TMEM168: variants seen among roughly 807,000 people sequenced by gnomAD.
The protein encoded by TMEM168 is transmembrane protein 168.
In TMEM168, 40 loss-of-function variants were observed where a neutral mutation model predicts 53.2. The ratio of observed to expected loss-of-function variants is 0.75; its 90% CI spans 0.58 to 0.98. TMEM168 has a LOEUF of 0.98. Ranked by LOEUF, TMEM168 falls within the 50% of genes least tolerant of loss-of-function variation. TMEM168 has a pLI of 0.00. For missense variants in TMEM168, 771 were observed against 828.8 expected (o/e 0.93, Z 0.86); for synonymous variants, 282 against 293.0 (o/e 0.96, Z 0.38).
chr7:112,775,172 G>C lies in TMEM168; in HGVS notation c.1271+4C>G, dbSNP rs374395853. Reference sequence around the variant, plus strand: ...TTATCACTAACTATACTAGATTACTGTACCTGCAGAAGTTGGTGGGAATCA... The same window carrying C: ...TTATCACTAACTATACTAGATTACTCTACCTGCAGAAGTTGGTGGGAATCA... On this transcript the variant is annotated splice_donor_region_variant and intron_variant, in intron 3 of 4. Coordinates refer to ENST00000312814, the MANE Select transcript of TMEM168 (RefSeq NM_022484.6). The C allele has an allele frequency of 6.5e-4, 1,042 of 1,603,014 alleles. No homozygotes were observed. Among genetic ancestry groups the C allele is most frequent in the Non-Finnish European group, 8.3e-4 (976 of 1,174,992 alleles).
In TMEM168 at chr7:112,784,057, A is replaced by T. The variant is rs201088968; in HGVS notation, c.769T>A (p.Tyr257Asn). Residue 257 changes from tyrosine to asparagine, a missense_variant, in exon 2 of 5, where the codon TAC becomes AAC. Tyr to Asn is a moderately radical substitution (Grantham distance 143). Transcript: ENST00000312814. The part of the protein sequence containing the change: ...SVTERWKPFL[Y>N]RGRICRRLSV... ...AGTCTTCTGCAAATTCTTCCACGGT[A>T]CAAAAAGGGTTTCCATCTTTCAGTT... The T allele has an allele frequency of 6.2e-7, 1 of 1,612,978 alleles. No homozygotes were observed. The highest frequency in any genetic ancestry group is 1.3e-5 in the African/African-American group (1 of 74,976).
intron 1 of TMEM168, among the ~76,000 whole-genome samples, chr7:112,789,014 G>A (rs954974257): frequency 6.6e-6 from 1 of 152,092 alleles, no homozygotes; most frequent in Non-Finnish European, 1.5e-5. Flanking sequence ...AAGGCACTCC[G>A]TGTTGGGCCT....
At chr7:112,768,933 A>G (rs1792859565) in intron 4 of TMEM168, among the ~76,000 whole-genome samples, 1 of 152,366 alleles carries the variant, frequency 6.6e-6, no homozygotes, top group East Asian at 1.9e-4. Flanking sequence ...TGTCTATATT[A>G]GAAAAAGCAT....
At chr7:112,768,524 GA>G (rs1792846624) in intron 4 of TMEM168, among the ~76,000 whole-genome samples, 1 of 152,042 alleles carries the variant, frequency 6.6e-6, no homozygotes, top group Non-Finnish European at 1.5e-5. Flanking sequence ...TATAGCTGAA[GA>G]ACAAGGGATT....
At position 112,784,093 on chromosome 7, in the gene TMEM168, C is replaced by T. The variant is rs754608033; in HGVS notation, c.733G>A (p.Gly245Arg). The T allele has an allele frequency of 6.2e-7, 1 of 1,612,972 alleles. No homozygotes were observed. The highest frequency in any genetic ancestry group is 2.2e-5 in the East Asian group (1 of 44,860). ...TTCCATCTTTCAGTTACTGAAAGTC[C>T]ACTAAAATAAATGTCAAGGAAAGGA... ...TDPFLDIYFSGLSVTERWKPF... is the reference protein window; with the variant it reads ...TDPFLDIYFSRLSVTERWKPF... Residue 245 changes from glycine to arginine, a missense_variant, in exon 2 of 5, where the codon GGA becomes AGA. Physicochemically the swap from Gly to Arg is moderately radical, Grantham distance 125. Coordinates refer to ENST00000312814, the MANE Select transcript of TMEM168 (RefSeq NM_022484.6).
Position 112,784,343 on chromosome 7 carries a change from C to T in TMEM168, c.483G>A (p.Glu161=), listed in dbSNP as rs1793316524. The change falls in exon 2 of 5, where the codon GAG becomes GAA. Residue 161 remains glutamate (E), a synonymous_variant. Coordinates refer to ENST00000312814, the MANE Select transcript of TMEM168 (RefSeq NM_022484.6). ...TGCTGGCAATGGCAAATCCAACAAG[C>T]TCCAGAAATTCAACTGTGGTTAGTA... ...PTLLTTVEFL[E]LVGFAIASTT... 1 of 1,614,038 alleles carries T rather than the reference C, an allele frequency of 6.2e-7. No individual in the cohort carries two copies. The highest frequency in any genetic ancestry group is 1.7e-5 in the Admixed American group (1 of 60,004).
intron 1 of TMEM168, among the ~76,000 whole-genome samples, chr7:112,786,097 G>C (rs1231983308): frequency 6.6e-6 from 1 of 152,144 alleles, no homozygotes; most frequent in African/African-American, 2.4e-5. Context: ...AATGCCTCAA[G>C]AGGCTGAGAC....
rs987215768 is a variant in TMEM168 at position 112,783,600 on chromosome 7, T to A, written c.1128+98A>T. The A allele has an allele frequency of 2.5e-6, 3 of 1,209,644 alleles. No individual in the cohort carries two copies. The African/African-American group carries it at 4.7e-5, about 19-fold the overall frequency. 74.9% of individuals were successfully genotyped at this position (1,209,644 alleles called of 1,614,324 possible). ...ATTAAGAGCAAACATGAATATCCTT[T>A]TGAAATCAGGAACTTGACCTTATAA... On this transcript the variant is annotated intron_variant, in intron 2 of 4. Coordinates refer to ENST00000312814, the MANE Select transcript of TMEM168 (RefSeq NM_022484.6).
Position 112,784,212 on chromosome 7 carries a change from A to T in TMEM168, c.614T>A (p.Leu205Ter). The stretch of plus-strand genomic sequence containing the variant: ...AAATAACAAAACTGCAAAAATAACT[A>T]AGTTTGGAATAGCTAAGAAAGATTT... Reference protein sequence around the residue: ...RMKSFLAIPNLVIFAVLLFFS... With the variant: ...RMKSFLAIPN Residue 205 changes from leucine (L) to a stop codon, truncating the protein, a stop_gained, in exon 2 of 5, where the codon TTA becomes TAA. Coordinates refer to ENST00000312814, the MANE Select transcript of TMEM168 (RefSeq NM_022484.6). LOFTEE classifies it high-confidence loss of function. 1 of 1,613,560 alleles carries T rather than the reference A, an allele frequency of 6.2e-7. No homozygotes were observed. The highest frequency in any genetic ancestry group is 8.5e-7 in the Non-Finnish European group (1 of 1,179,932).
rs988106299 is a variant in TMEM168 at position 112,765,233 on chromosome 7, A to T, written c.*1964T>A. On this transcript the variant is annotated 3_prime_UTR_variant, in exon 5 of 5. Coordinates refer to ENST00000312814, the MANE Select transcript of TMEM168 (RefSeq NM_022484.6). ...TGGACATTCTATAAATTTTTGGTTA[A>T]CAAATTGGCTCAAGTCACATTCTTG... 2.6e-5 allele frequency: 4 copies of T among 152,202 alleles called. No homozygotes were observed. The highest frequency in any genetic ancestry group is 5.9e-5 in the Non-Finnish European group (4 of 68,022). 9.4% of individuals were successfully genotyped at this position (152,202 alleles called of 1,614,324 possible). A position where few individuals can be genotyped will look rare whatever the true frequency, so the allele number is the denominator to read the frequency against.
In TMEM168 at chr7:112,764,312, T is replaced by C. The variant is rs1395560512; in HGVS notation, c.*2885A>G. On this transcript the variant is annotated 3_prime_UTR_variant, in exon 5 of 5. Transcript: ENST00000312814. ...GTTGAAAAAATCTCCATGTTACCTC[T>C]TTTTAGTAGAATGGTAAAGTTTTGC... The C allele has an allele frequency of 6.6e-6, 1 of 151,962 alleles. No homozygotes were observed. Among genetic ancestry groups the C allele is most frequent in the Non-Finnish European group, 1.5e-5 (1 of 67,972 alleles). 9.4% of individuals were successfully genotyped at this position (151,962 alleles called of 1,614,324 possible).
intron 2 of TMEM168, among the ~76,000 whole-genome samples, chr7:112,780,072 G>C (rs1288945903): frequency 6.6e-6 from 1 of 152,182 alleles, no homozygotes; most frequent in African/African-American, 2.4e-5. Context: ...GAAGGCTACT[G>C]TATAATTTTA....
chr7:112,778,291 G>A (rs1360188514), intron 2 of TMEM168: 4 of 152,190 alleles, frequency 2.6e-5, no homozygotes, highest in African/African-American at 4.8e-5. Flanking sequence ...GACCAAAAGT[G>A]CAGCTCAGCT....
At position 112,766,210 on chromosome 7, in the gene TMEM168, T is replaced by C. The variant is rs1259990454; in HGVS notation, c.*987A>G. ...ATACTTTTTTACAGAATACATTACA[T>C]GTATACCAGAAGAGAAATACTTGTT... On this transcript the variant is annotated 3_prime_UTR_variant, in exon 5 of 5. Transcript: ENST00000312814. The C allele has an allele frequency of 6.6e-6, 1 of 152,410 alleles. No individual in the cohort carries two copies. Among genetic ancestry groups the C allele is most frequent in the Middle Eastern group, 3.2e-3 (1 of 316 alleles). The allele number at this position is 152,410 out of a possible 1,614,324, so 9.4% of individuals were successfully genotyped here.
chr7:112,784,292 C>CA lies in TMEM168; in HGVS notation c.533dup (p.Ser179GlufsTer15). 1.9e-6 allele frequency: 3 copies of CA among 1,614,116 alleles called. No homozygotes were observed. Among genetic ancestry groups the CA allele is most frequent in the Non-Finnish European group, 2.5e-6 (3 of 1,180,014 alleles). Reference sequence around the variant, plus strand: ...GAGCTACAACAAGCAAAATGACACTCAGAGACTTCTCCACCAACATAGTTG... The same window carrying CA: ...GAGCTACAACAAGCAAAATGACACTCAAGAGACTTCTCCACCAACATAGTTG... On this transcript the variant is annotated frameshift_variant, in exon 2 of 5. Transcript: ENST00000312814. LOFTEE classifies it high-confidence loss of function.
In TMEM168 at chr7:112,784,546, G is replaced by C; in HGVS notation, c.280C>G (p.Leu94Val). The change falls in exon 2 of 5, where the codon CTC becomes GTC. Residue 94 changes from leucine (L) to valine (V), a missense_variant. Physicochemically the swap from Leu to Val is conservative, Grantham distance 32. Transcript: ENST00000312814. Reference protein sequence around the residue: ...YFSMEAASLSLSNLWFGFLLG... With the variant: ...YFSMEAASLSVSNLWFGFLLG... The stretch of plus-strand genomic sequence containing the variant: ...AAGAATCCAAACCAAAGATTGGAGA[G>C]ACTTAAACTTGCTGCTTCCATTGAA... 1 of 1,614,138 alleles carries C rather than the reference G, an allele frequency of 6.2e-7. No individual in the cohort carries two copies. The highest frequency in any genetic ancestry group is 8.5e-7 in the Non-Finnish European group (1 of 1,180,018).
Position 112,767,582 on chromosome 7 carries a change from T to C in TMEM168, c.1709A>G (p.Glu570Gly). Residue 570 changes from glutamate (E) to glycine (G), a missense_variant, in exon 5 of 5, where the codon GAG becomes GGG. Glu to Gly is a moderately conservative substitution (Grantham distance 98). Coordinates refer to ENST00000312814, the MANE Select transcript of TMEM168 (RefSeq NM_022484.6). ...TTCAATATCTACTGTTTTTATCAAC[T>C]CTGCTCCTTGCACTGCAATATACTG... ...NDQYIAVQGA[E>G]LIKTVDIEEA... The C allele has an allele frequency of 3.1e-6, 5 of 1,614,184 alleles. No homozygotes were observed. Among genetic ancestry groups the C allele is most frequent in the Non-Finnish European group, 4.2e-6 (5 of 1,180,014 alleles).
In TMEM168 at chr7:112,764,945, G is replaced by A. The variant is rs1202796627; in HGVS notation, c.*2252C>T. 1 of 152,204 alleles carries A rather than the reference G, an allele frequency of 6.6e-6. No individual in the cohort carries two copies. Among genetic ancestry groups the A allele is most frequent in the African/African-American group, 2.4e-5 (1 of 41,420 alleles). 9.4% of individuals were successfully genotyped at this position (152,204 alleles called of 1,614,324 possible). On this transcript the variant is annotated 3_prime_UTR_variant, in exon 5 of 5. Coordinates refer to ENST00000312814, the MANE Select transcript of TMEM168 (RefSeq NM_022484.6). ...GTGCCTTAGCCTCCCAAGTAGCTGG[G>A]ATTACAGGCACCTGCCACCATGCCC... is the stretch of plus-strand genomic sequence containing the variant.
intron 1 of TMEM168, among the ~76,000 whole-genome samples, chr7:112,789,419 TA>T (rs1202204369): frequency 6.6e-6 from 1 of 152,166 alleles, no homozygotes; most frequent in Non-Finnish European, 1.5e-5. Context: ...TAAAGACTAA[TA>T]AAGAAATAAC....
Sources: allele counts gnomAD v4.1 joint callset (sites outside exome capture counted in the v4.1 genomes callset), GRCh38; gene constraint gnomAD v4.1.1; transcripts MANE v1.5; gene names NCBI Gene and HGNC (gene_info 2026-07-23, HGNC 2026-07-21).